The following IWS1 variants were observed in gnomAD, a reference collection of about 807,000 sequenced individuals.
IWS1 encodes interacts with SUPT6H, CTD assembly factor 1.
A neutral mutation model predicts 86.7 loss-of-function variants in IWS1; 27 were observed. The ratio of observed to expected loss-of-function variants is 0.31; its 90% CI spans 0.23 to 0.43. IWS1 has a LOEUF of 0.43. IWS1 is among the 20% of genes least tolerant of loss of function. The pLI is 1.00. For missense variants in IWS1, 827 were observed against 1,000.8 expected, an observed-to-expected ratio of 0.83 and a Z score of 2.34; for synonymous variants, 313 against 335.1, an observed-to-expected ratio of 0.93 and a Z score of 0.72.
intron 2 of IWS1, among the ~76,000 whole-genome samples, chr2:127,517,637 G>A (rs1382863998): frequency 6.6e-6 from 1 of 152,152 alleles, no homozygotes; most frequent in Admixed American, 6.6e-5. Context: ...AATGTAAAAT[G>A]GTGTAACCAC....
At chr2:127,523,936 G>A in intron 1 of IWS1, 145 bp from the exon 2 acceptor site, 1 of 606,258 alleles carries the variant, frequency 1.6e-6, no homozygotes. Flanking sequence ...TTTTGAATAA[G>A]GTAATACAAT....
intron 7 of IWS1, 52 bp from the exon 8 acceptor site, chr2:127,495,006 T>C (rs1216765197): frequency 1.8e-6 from 2 of 1,085,280 alleles, no homozygotes; most frequent in Middle Eastern, 2.8e-4. Flanking sequence ...TTTTTATTAA[T>C]ATTGAATTCA....
At chr2:127,487,820 G>A (rs1690007002) in intron 12 of IWS1, among the ~76,000 whole-genome samples, 1 of 152,316 alleles carries the variant, frequency 6.6e-6, no homozygotes, top group African/African-American at 2.4e-5. Flanking sequence ...AAAGTGCTGG[G>A]ATTACAGGCG....
At chr2:127,494,383 C>T (rs1313304506) in intron 8 of IWS1, 1 of 152,294 alleles carries the variant, frequency 6.6e-6, no homozygotes, top group Non-Finnish European at 1.5e-5. Context: ...ATGCAGCCTT[C>T]AGGTAGGATC....
At chr2:127,481,442 A>G (rs1455456068) in intron 13 of IWS1, among the ~76,000 whole-genome samples, 2 of 150,830 alleles carry the variant, frequency 1.3e-5, no homozygotes, top group African/African-American at 4.9e-5. Flanking sequence ...GATGGGAGAA[A>G]GGGGGGGGGA....
In IWS1 at chr2:127,509,430, C is replaced by T. The variant is rs1054205381; in HGVS notation, c.151-3678G>A. Among the ~76,000 whole-genome samples, 6 of 152,180 alleles carry T rather than the reference C, an allele frequency of 3.9e-5. No homozygotes were observed. The South Asian group carries it at 6.2e-4, about 16-fold the overall frequency. ...GCTTTAGAAACATCTATAATGCCGC[C>T]GGGCGCAGTGGCTCACGCCTGTAAT... On this transcript the variant is annotated intron_variant, in intron 2 of 13. Transcript: ENST00000295321.
intron 2 of IWS1, among the ~76,000 whole-genome samples, chr2:127,513,845 A>G (rs1480503156): frequency 2.6e-5 from 4 of 152,106 alleles, no homozygotes; most frequent in Non-Finnish European, 5.9e-5. Context: ...AATTTACTTT[A>G]AAAAAATTAA....
Position 127,505,327 on chromosome 2 carries a change from C to T in IWS1, c.576G>A (p.Arg192=). 6.2e-7 allele frequency: 1 copy of T among 1,613,686 alleles called. No homozygotes were observed. Among genetic ancestry groups the T allele is most frequent in the South Asian group, 1.1e-5 (1 of 91,054 alleles). ...CATTTTCGGAGTCACTGGCTTGGTG[C>T]CTTGGGGGTTCCTCACTCTCAGAGT... is the stretch of plus-strand genomic sequence containing the variant. The part of the protein sequence containing the change: ...ISDSESEEPP[R]HQASDSENEE... The change falls in exon 3 of 14, where the codon AGG becomes AGA. Residue 192 remains arginine, a synonymous_variant. Coordinates refer to ENST00000295321, the MANE Select transcript of IWS1 (RefSeq NM_017969.3). The surrounding 1 kb of genome is among the most constrained non-coding windows in gnomAD (Gnocchi z 5.0).
chr2:127,504,377 G>A (rs554954116), intron 3 of IWS1, among the ~76,000 whole-genome samples: 2 of 151,498 alleles, frequency 1.3e-5, no homozygotes, highest in Non-Finnish European at 2.9e-5. Context: ...TTATGTAAAC[G>A]TATTTCTTTG....
At chr2:127,524,003 T>TAC (rs1692252376) in intron 1 of IWS1, among the ~76,000 whole-genome samples, 1 of 152,218 alleles carries the variant, frequency 6.6e-6, no homozygotes, top group African/African-American at 2.4e-5. Flanking sequence ...GCAGCAAAAC[T>TAC]ACACCATAAA....
Position 127,492,064 on chromosome 2 carries a change from G to C in IWS1, c.1954C>G (p.Leu652Val). The change falls in exon 10 of 14, where the codon CTG (leucine) becomes GTG (valine). Residue 652 changes from leucine to valine, a missense_variant. Physicochemically the swap from Leu to Val is conservative, Grantham distance 32. Coordinates refer to ENST00000295321, the MANE Select transcript of IWS1 (RefSeq NM_017969.3). ...QELPSVSQET[L>V]KHSGIGRAVM... ...GCTCGTCCAATCCCACTATGCTTCA[G>C]GGTCTCCTGGCTCACACTAGGCAGC... The C allele has an allele frequency of 6.2e-7, 1 of 1,613,926 alleles. No homozygotes were observed. Among genetic ancestry groups the C allele is most frequent in the Non-Finnish European group, 8.5e-7 (1 of 1,179,844 alleles).
chr2:127,495,585 T>C (rs1690470784), intron 7 of IWS1, among the ~76,000 whole-genome samples: 1 of 152,214 alleles, frequency 6.6e-6, no homozygotes, highest in African/African-American at 2.4e-5. Flanking sequence ...TTTTTAAACA[T>C]ACTACTGGGC....
At chr2:127,526,797 A>T, upstream of IWS1, 1 of 831,008 alleles carries the variant, frequency 1.2e-6, no homozygotes, top group Non-Finnish European at 1.8e-6. Context: ...ATTCAGCCAA[A>T]CCACTGTCTT....
intron 2 of IWS1, among the ~76,000 whole-genome samples, chr2:127,520,377 C>T (rs1692028838): frequency 6.6e-6 from 1 of 152,110 alleles, no homozygotes; most frequent in African/African-American, 2.4e-5. Context: ...CCATGTTGGC[C>T]AGGATGGTCT....
In IWS1 at chr2:127,496,022, G is replaced by T. The variant is rs753294967; in HGVS notation, c.1692C>A (p.Ile564=). Residue 564 remains isoleucine (I), a synonymous_variant, in exon 7 of 14, where the codon ATC becomes ATA. Coordinates refer to ENST00000295321, the MANE Select transcript of IWS1 (RefSeq NM_017969.3). ...SDADDVVSAM[I]VKMNEAAEED... is the part of the protein sequence containing the mutation. ...CCTCAGCAGCTTCATTCATCTTGACGATCATGGCACTCACGACGTCGTCTG... is the reference window on the plus strand; with the variant it reads ...CCTCAGCAGCTTCATTCATCTTGACTATCATGGCACTCACGACGTCGTCTG... 6.2e-7 allele frequency: 1 copy of T among 1,613,090 alleles called. No homozygotes were observed. The highest frequency in any genetic ancestry group is 8.5e-7 in the Non-Finnish European group (1 of 1,179,644).
intron 2 of IWS1, among the ~76,000 whole-genome samples, chr2:127,518,048 G>A (rs1363225565): frequency 2.6e-5 from 4 of 152,182 alleles, no homozygotes; most frequent in African/African-American, 7.2e-5. Context: ...GGTTGCTGAG[G>A]ACTGTGGGGT....
intron 7 of IWS1, among the ~76,000 whole-genome samples, chr2:127,495,494 T>C (rs1372049311): frequency 6.6e-6 from 1 of 152,228 alleles, no homozygotes; most frequent in Admixed American, 6.5e-5. Flanking sequence ...ATTCTTGAAT[T>C]GTTTTGAAAG....
chr2:127,526,865 T>C (rs994768648), upstream of IWS1: 1 of 376,226 alleles, frequency 2.7e-6, no homozygotes, highest in African/African-American at 2.1e-5. Context: ...AAGCGGGCGT[T>C]GCTCACTGGG....
chr2:127,494,940 C>T lies in IWS1; in HGVS notation c.1731G>A (p.Leu577=), dbSNP rs766695334. ...TCAGTGCTGGCTTTTTTTGATTGTTCAACTGTCTGTCTTCCTATTCAGAAA... is the reference window on the plus strand; with the variant it reads ...TCAGTGCTGGCTTTTTTTGATTGTTTAACTGTCTGTCTTCCTATTCAGAAA... The part of the protein sequence containing the change: ...MNEAAEEDRQ[L]NNQKKPALKK... The change falls in exon 8 of 14, where the codon TTG becomes TTA. Residue 577 remains leucine (L), a synonymous_variant. Coordinates refer to ENST00000295321, the MANE Select transcript of IWS1 (RefSeq NM_017969.3). The T allele has an allele frequency of 2.3e-5, 37 of 1,594,600 alleles. No individual in the cohort carries two copies. The East Asian group carries it at 8.1e-4, about 35-fold the overall frequency.
Sources: allele counts gnomAD v4.1 joint callset (sites outside exome capture counted in the v4.1 genomes callset), GRCh38; gene constraint gnomAD v4.1.1; non-coding constraint Gnocchi (gnomAD v3.1); transcripts MANE v1.5; gene names NCBI Gene and HGNC (gene_info 2026-07-23, HGNC 2026-07-21).